The following LDHA variants were observed in gnomAD, a reference collection of about 807,000 sequenced individuals.
LDHA encodes the protein L-lactate dehydrogenase A chain.
Under a neutral mutation model 36.3 loss-of-function variants are expected in LDHA, and 10 were observed. The ratio of observed to expected loss-of-function variants is 0.28; its 90% confidence interval spans 0.17 to 0.47. The LOEUF (loss-of-function observed/expected upper bound fraction) is 0.47, where lower values mean the gene tolerates loss of function less well. LDHA is among the 20% of genes least tolerant of loss of function. The probability of loss-of-function intolerance (pLI) is 0.99; values close to 1 mark genes in which losing one functional copy is unlikely to be tolerated. For synonymous variants in LDHA, 110 were observed against 136.7 expected (o/e 0.80, Z 1.36); for missense variants, 267 against 405.8 (o/e 0.66, Z 2.94).
intron 7 of LDHA, among the ~76,000 whole-genome samples, chr11:18,406,474 T>G (rs1447387965): frequency 6.8e-6 from 1 of 147,566 alleles, no homozygotes; most frequent in African/African-American, 2.5e-5. Flanking sequence ...ATCCCAGCAC[T>G]TTGGGAGGCC....
rs1330319633 is a variant in LDHA at position 18,408,202 on chromosome 11, A to G, written c.*921A>G. On this transcript the variant is annotated 3_prime_UTR_variant, in exon 8 of 8. Transcript: ENST00000422447. ...CTCTGGAAGCTGGTAACAATTAAAA[A>G]CAATCTTAAGGCAGGGTGCAGTGGC... is the stretch of plus-strand genomic sequence containing the variant. 2 of 454,126 alleles carry G rather than the reference A, an allele frequency of 4.4e-6. No homozygotes were observed. The highest frequency in any genetic ancestry group is 2.3e-5 in the Admixed American group (1 of 42,568). 28.1% of individuals were successfully genotyped at this position (454,126 alleles called of 1,614,324 possible).
At chr11:18,397,736 A>G (rs1452733409) in intron 2 of LDHA, among the ~76,000 whole-genome samples, 4 of 152,020 alleles carry the variant, frequency 2.6e-5, no homozygotes, top group Non-Finnish European at 5.9e-5. Context: ...GCTTGAACCC[A>G]GGAGGTGGAG....
chr11:18,396,474 C>G, intron 1 of LDHA: 1 of 666,728 alleles, frequency 1.5e-6, no homozygotes, highest in Non-Finnish European at 2.2e-6. Flanking sequence ...TGTGTCCTTG[C>G]TGTAGGAGCC....
At chr11:18,406,216 G>A (rs1002678689) in intron 7 of LDHA, among the ~76,000 whole-genome samples, 9 of 151,814 alleles carry the variant, frequency 5.9e-5, no homozygotes, top group East Asian at 1.9e-4. Flanking sequence ...CACCCGCCTC[G>A]GCCTCCCCGA....
rs1554961217 is a variant in LDHA, at chr11:18,401,956, T to TCTC, written c.419-884_419-883insCTC. Among the ~76,000 whole-genome samples, 77 of 9,100 alleles carry TCTC rather than the reference T, an allele frequency of 8.5e-3. 2 individuals are homozygous for TCTC. The highest frequency in any genetic ancestry group is 0.013 in the Admixed American group (12 of 914). 6.0% of individuals were successfully genotyped at this position (9,100 alleles called of 152,430 possible). On this transcript the variant is annotated intron_variant, in intron 4 of 7. Coordinates refer to ENST00000422447, the MANE Select transcript of LDHA (RefSeq NM_005566.4). ...AAGTTTGTGAATAATTGTTATTCTC[T>TCTC]TTTTTTTTTTTTTTTTTTTTGAGAC...
Position 18,408,242 on chromosome 11 carries a change from C to T in LDHA, c.*961C>T, listed in dbSNP as rs1463886519. On this transcript the variant is annotated 3_prime_UTR_variant, in exon 8 of 8. Transcript: ENST00000422447. Reference sequence around the variant, plus strand: ...GGTGCAGTGGCTCATGCCTATAATCCCAGCACTTTGGGAAGCCCAGGTGGG... The same window carrying T: ...GGTGCAGTGGCTCATGCCTATAATCTCAGCACTTTGGGAAGCCCAGGTGGG... The T allele has an allele frequency of 4.4e-6, 2 of 453,742 alleles. No individual in the cohort carries two copies. Among genetic ancestry groups the T allele is most frequent in the East Asian group, 7.0e-5 (1 of 14,386 alleles). 28.1% of individuals were successfully genotyped at this position (453,742 alleles called of 1,614,324 possible).
At chr11:18,401,111 AAAT>A (rs1418926151) in intron 4 of LDHA, 101 bp downstream of exon 4, 2 of 476,492 alleles carry the variant, frequency 4.2e-6, no homozygotes, top group African/African-American at 4.2e-5. Context: ...ATATTTTAAA[AAAT>A]ACATTTTTAA....
chr11:18,401,459 A>ATTTATTT, intron 4 of LDHA, among the ~76,000 whole-genome samples: 1 of 12,978 alleles, frequency 7.7e-5, no homozygotes, highest in African/African-American at 1.5e-4. Context: ...ATATTTATTG[A>ATTTATTT]TTCATTTATT....
intron 7 of LDHA, chr11:18,405,797 T>G (rs1005698286): frequency 2.1e-6 from 1 of 481,716 alleles, no homozygotes; most frequent in Admixed American, 3.3e-5. Flanking sequence ...CAAAAAAGTC[T>G]TGTTCAATTA....
chr11:18,395,635 C>T (rs565818682), intron 1 of LDHA, among the ~76,000 whole-genome samples: 1 of 152,294 alleles, frequency 6.6e-6, no homozygotes, highest in East Asian at 1.9e-4. Context: ...TGACTGCCTG[C>T]CTAGAGGTCC....
chr11:18,407,179 A>G lies in LDHA; in HGVS notation c.897A>G (p.Gly299=). The change falls in exon 8 of 8, where the codon GGA becomes GGG. Residue 299 remains glycine (G), a synonymous_variant. Coordinates refer to ENST00000422447, the MANE Select transcript of LDHA (RefSeq NM_005566.4). ...LSVPCILGQN[G]ISDLVKVTLT... ...TTCCTTGCATTTTGGGACAGAATGG[A>G]ATCTCAGACCTTGTGAAGGTGACTC... 6.2e-7 allele frequency: 1 copy of G among 1,613,036 alleles called. No homozygotes were observed. Among genetic ancestry groups the G allele is most frequent in the Non-Finnish European group, 8.5e-7 (1 of 1,179,490 alleles).
Position 18,407,100 on chromosome 11 carries a change from TTTCA to T in LDHA, c.835-14_835-11del, listed in dbSNP as rs1221686986. ...TAGACAAAATGTGAGATTTTTTTTT[TTTCA>T]TTTCATCTTCAGGGTCTTTACGGAA... On this transcript the variant is annotated splice_polypyrimidine_tract_variant and intron_variant, in intron 7 of 7. Coordinates refer to ENST00000422447, the MANE Select transcript of LDHA (RefSeq NM_005566.4). 1.9e-6 allele frequency: 3 copies of T among 1,596,502 alleles called. No individual in the cohort carries two copies. Among genetic ancestry groups the T allele is most frequent in the Non-Finnish European group, 2.6e-6 (3 of 1,171,062 alleles).
At position 18,396,807 on chromosome 11, in the gene LDHA, T is replaced by C; in HGVS notation, c.-24-12T>C. The C allele has an allele frequency of 3.2e-6, 5 of 1,585,886 alleles. No homozygotes were observed. The highest frequency in any genetic ancestry group is 4.3e-6 in the Non-Finnish European group (5 of 1,166,432). On this transcript the variant is annotated splice_polypyrimidine_tract_variant and intron_variant, in intron 1 of 7. Coordinates refer to ENST00000422447, the MANE Select transcript of LDHA (RefSeq NM_005566.4). Reference sequence around the variant, plus strand: ...GAAGCTGTAGTGACACTAAATGTTTTTCCTCCTATAGATTCCTTTTGGTTC... The same window carrying C: ...GAAGCTGTAGTGACACTAAATGTTTCTCCTCCTATAGATTCCTTTTGGTTC...
At chr11:18,401,671 G>A (rs899960625) in intron 4 of LDHA, among the ~76,000 whole-genome samples, 5 of 149,258 alleles carry the variant, frequency 3.3e-5, no homozygotes, top group Admixed American at 2.0e-4. Context: ...TAGAGACGGG[G>A]TTTCATCAGG....
chr11:18,394,657 C>T (rs1253642722), intron 1 of LDHA, 21 bp downstream of exon 1: 1 of 453,818 alleles, frequency 2.2e-6, no homozygotes, highest in Non-Finnish European at 4.4e-6. Context: ...GCCCTGCGCG[C>T]ACGGCGCCAG....
At chr11:18,399,403 A>T in intron 2 of LDHA, 28 bp from the exon 3 acceptor site, 1 of 1,514,216 alleles carries the variant, frequency 6.6e-7, no homozygotes, top group Non-Finnish European at 9.2e-7. Context: ...GCAATTTTCC[A>T]TTTAACTAAA....
At position 18,407,331 on chromosome 11, in the gene LDHA, A is replaced by G. The variant is rs1565041043; in HGVS notation, c.*50A>G. The G allele has an allele frequency of 1.2e-6, 2 of 1,612,072 alleles. No homozygotes were observed. The highest frequency in any genetic ancestry group is 1.7e-5 in the Admixed American group (1 of 60,002). On this transcript the variant is annotated 3_prime_UTR_variant, in exon 8 of 8. Coordinates refer to ENST00000422447, the MANE Select transcript of LDHA (RefSeq NM_005566.4). The stretch of plus-strand genomic sequence containing the variant: ...ACTGTCTAGGCTACAACAGGATTCT[A>G]GGTGGAGGTTGTGCATGTTGTCCTT...
chr11:18,397,083 C>G (rs761166060), intron 2 of LDHA, 115 bp downstream of exon 2: 5 of 919,548 alleles, frequency 5.4e-6, no homozygotes, highest in Non-Finnish European at 8.7e-6. Context: ...GATTTATGCA[C>G]TCATTCGGAT....
Position 18,403,834 on chromosome 11 carries a change from A to T in LDHA, c.710+23A>T, listed in dbSNP as rs1249600071. 14 of 1,217,710 alleles carry T rather than the reference A, an allele frequency of 1.1e-5. 1 individual carries two copies. The highest frequency in any genetic ancestry group is 1.7e-5 in the Non-Finnish European group (14 of 818,548). 75.4% of individuals were successfully genotyped at this position (1,217,710 alleles called of 1,614,324 possible). A position where few individuals can be genotyped will look rare whatever the true frequency, so the allele number is the denominator to read the frequency against. ...GAGGTAATAAATCTTTCAATTTGGCAACACAGAATATTAACATTTACTATT... is the reference window on the plus strand; with the variant it reads ...GAGGTAATAAATCTTTCAATTTGGCTACACAGAATATTAACATTTACTATT... On this transcript the variant is annotated intron_variant, in intron 6 of 7. Transcript: ENST00000422447.
Sources: allele counts gnomAD v4.1 joint callset (sites outside exome capture counted in the v4.1 genomes callset), GRCh38; gene constraint gnomAD v4.1.1; transcripts MANE v1.5; gene names NCBI Gene and HGNC (gene_info 2026-07-23, HGNC 2026-07-21).